The following USP27X variants were observed in gnomAD, a reference collection of about 807,000 sequenced individuals.
The protein encoded by USP27X is ubiquitin carboxyl-terminal hydrolase 27.
For synonymous variants in USP27X, 109 were observed against 141.5 expected (o/e 0.77, Z 1.63); for missense variants, 161 against 341.0 (o/e 0.47, Z 4.16).
rs1924393760 is a variant in USP27X, at chrX:49,881,671, T to C, written c.*47T>C. ...CAATGGAAGATGACGACACCAATAC[T>C]ACAACTGGCATCGAGATCTAAAGGA... On this transcript the variant is annotated 3_prime_UTR_variant, in exon 1 of 1. Transcript: ENST00000621775. 3 of 1,029,193 alleles carry C rather than the reference T, an allele frequency of 2.9e-6. No homozygotes were observed. Among genetic ancestry groups the C allele is most frequent in the Non-Finnish European group, 3.9e-6 (3 of 768,176 alleles). 84.8% of individuals were successfully genotyped at this position (1,029,193 alleles called of 1,213,427 possible).
rs1557162573 is a variant in USP27X at position 49,880,770 on chromosome X, C to T, written c.463C>T (p.Arg155Cys). Residue 155 changes from arginine to cysteine, a missense_variant, in exon 1 of 1, where the codon CGC becomes TGC. Coordinates refer to ENST00000621775, the MANE Select transcript of USP27X (RefSeq NM_001145073.3). ...ACTGCACCTGGTGTGGATACATGCC[C>T]GCCATTTAGCAGGGTACAGGCAACA... ...KLLHLVWIHA[R>C]HLAGYRQQDA... 3 of 1,169,703 alleles carry T rather than the reference C, an allele frequency of 2.6e-6. No homozygotes were observed. Among genetic ancestry groups the T allele is most frequent in the African/African-American group, 3.6e-5 (2 of 55,961 alleles).
In USP27X at chrX:49,881,495, T is replaced by C. The variant is rs1557162741; in HGVS notation, c.1188T>C (p.Asp396=). 8.3e-7 allele frequency: 1 copy of C among 1,209,160 alleles called. No homozygotes were observed. The highest frequency in any genetic ancestry group is 1.7e-5 in the African/African-American group (1 of 57,167). Residue 396 remains aspartate (D), a synonymous_variant, in exon 1 of 1, where the codon GAT becomes GAC. Transcript: ENST00000621775. ...RHHKDQWFKC[D]DAVITKASIK... is the part of the protein sequence containing the mutation. ...ACAAGGACCAGTGGTTCAAGTGTGA[T>C]GATGCCGTCATCACTAAGGCCAGTA...
rs916724991 is a variant in USP27X, at chrX:49,880,229, G to C, written c.-79G>C. ...GTGTCTTCTTTGGCTGCTTCACGGA[G>C]AAACACATTCACGAGCACGCAGAGA... On this transcript the variant is annotated 5_prime_UTR_variant, in exon 1 of 1. Coordinates refer to ENST00000621775, the MANE Select transcript of USP27X (RefSeq NM_001145073.3). 2.2e-5 allele frequency: 20 copies of C among 891,298 alleles called. No homozygotes were observed. The highest frequency in any genetic ancestry group is 3.7e-5 in the Admixed American group (1 of 26,868). 73.5% of individuals were successfully genotyped at this position (891,298 alleles called of 1,213,427 possible).
rs1557162728 is a variant in USP27X at position 49,881,431 on chromosome X, C to A, written c.1124C>A (p.Thr375Asn). Residue 375 changes from threonine to asparagine, a missense_variant, in exon 1 of 1, where the codon ACC (threonine) becomes AAC (asparagine). Thr to Asn is a moderately conservative substitution (Grantham distance 65, BLOSUM62 0). Transcript: ENST00000621775. ...SLFAVVNHQG[T>N]LESGHYTSFI... ...TTTGCTGTGGTTAATCACCAAGGAA[C>A]CTTGGAGAGTGGCCACTATACCAGC... 1 of 1,211,196 alleles carries A rather than the reference C, an allele frequency of 8.3e-7. No homozygotes were observed. Among genetic ancestry groups the A allele is most frequent in the Admixed American group, 2.2e-5 (1 of 45,990 alleles).
Position 49,881,655 on chromosome X carries a change from A to T in USP27X, c.*31A>T. 9.3e-7 allele frequency: 1 copy of T among 1,076,565 alleles called. No individual in the cohort carries two copies. The highest frequency in any genetic ancestry group is 2.2e-5 in the South Asian group (1 of 44,953). 88.7% of individuals were successfully genotyped at this position (1,076,565 alleles called of 1,213,427 possible). A position where few individuals can be genotyped will look rare whatever the true frequency, so the allele number is the denominator to read the frequency against. ...CACACAGACCTACCTGCAATGGAAGATGACGACACCAATACTACAACTGGC... is the reference window on the plus strand; with the variant it reads ...CACACAGACCTACCTGCAATGGAAGTTGACGACACCAATACTACAACTGGC... On this transcript the variant is annotated 3_prime_UTR_variant, in exon 1 of 1. Coordinates refer to ENST00000621775, the MANE Select transcript of USP27X (RefSeq NM_001145073.3).
Position 49,879,499 on chromosome X carries a change from TGGAGGCGGAGGAGGTAGAGGAGGC to T in USP27X, c.-804_-781del, listed in dbSNP as rs1281931523. On this transcript the variant is annotated 5_prime_UTR_variant, in exon 1 of 1. Transcript: ENST00000621775. The stretch of plus-strand genomic sequence containing the variant: ...GAGCAGGGGGAGGAGCCGCCGCCAG[TGGAGGCGGAGGAGGTAGAGGAGGC>T]GGAGACGGCGGAGAAGGCGGAGAGG... 9.3e-6 allele frequency among the ~76,000 whole-genome samples: 1 copy of T among 107,007 alleles called. No homozygotes were observed. The highest frequency in any genetic ancestry group is 3.4e-5 in the African/African-American group (1 of 29,126). The allele number at this position is 107,007 out of a possible 115,157, so 92.9% of individuals were successfully genotyped here.
Position 49,881,114 on chromosome X carries a change from G to T in USP27X, c.807G>T (p.Arg269Ser). Residue 269 changes from arginine (R) to serine (S), a missense_variant, in exon 1 of 1, where the codon AGG becomes AGT. By Grantham distance (110) the Arg-to-Ser change is moderately radical (BLOSUM62 -1). Transcript: ENST00000621775. ...CCACCCTCACGGACTGCTTGCGGAG[G>T]TTTACGAGGCCAGAGCACTTAGGAA... The part of the protein sequence containing the change: ...GITTLTDCLR[R>S]FTRPEHLGSS... The T allele has an allele frequency of 8.6e-7, 1 of 1,168,555 alleles. No individual in the cohort carries two copies. Among genetic ancestry groups the T allele is most frequent in the Non-Finnish European group, 1.1e-6 (1 of 873,414 alleles).
In USP27X at chrX:49,881,621, C is replaced by T. The variant is rs1172597886; in HGVS notation, c.1314C>T (p.Tyr438=). The T allele has an allele frequency of 9.6e-6, 11 of 1,146,847 alleles. No individual in the cohort carries two copies. Among genetic ancestry groups the T allele is most frequent in the Non-Finnish European group, 1.3e-5 (11 of 860,551 alleles). The allele number at this position is 1,146,847 out of a possible 1,213,427, so 94.5% of individuals were successfully genotyped here. ...TGAAAGAAATGAACACACAAGCCTA[C>T]TGAAGTGACACACAGACCTACCTGC... ...EKVKEMNTQA[Y] Residue 438 remains tyrosine, a synonymous_variant, in exon 1 of 1, where the codon TAC becomes TAT. Transcript: ENST00000621775.
chrX:49,880,227 G>T lies in USP27X; in HGVS notation c.-81G>T. The stretch of plus-strand genomic sequence containing the variant: ...CTGTGTCTTCTTTGGCTGCTTCACG[G>T]AGAAACACATTCACGAGCACGCAGA... On this transcript the variant is annotated 5_prime_UTR_variant, in exon 1 of 1. Coordinates refer to ENST00000621775, the MANE Select transcript of USP27X (RefSeq NM_001145073.3). 1 of 882,866 alleles carries T rather than the reference G, an allele frequency of 1.1e-6. No individual in the cohort carries two copies. The highest frequency in any genetic ancestry group is 2.7e-5 in the South Asian group (1 of 36,582). The allele number at this position is 882,866 out of a possible 1,213,427, so 72.8% of individuals were successfully genotyped here. A position where few individuals can be genotyped will look rare whatever the true frequency, so the allele number is the denominator to read the frequency against.
rs781997321 is a variant in USP27X, at chrX:49,881,875, A to G, written c.*251A>G. 5.1e-6 allele frequency: 1 copy of G among 197,002 alleles called. No individual in the cohort carries two copies. Among genetic ancestry groups the G allele is most frequent in the African/African-American group, 3.6e-5 (1 of 28,169 alleles). The allele number at this position is 197,002 out of a possible 1,213,427, so 16.2% of individuals were successfully genotyped here. On this transcript the variant is annotated 3_prime_UTR_variant, in exon 1 of 1. Transcript: ENST00000621775. ...TGGGTGAGGAAGGCAGGAGCAGGAA[A>G]ATGCTGACACTGGTACATATCCTAT...
In USP27X at chrX:49,880,236, A is replaced by AT; in HGVS notation, c.-70dup. ...CTTTGGCTGCTTCACGGAGAAACAC[A>AT]TTCACGAGCACGCAGAGACGAAACA... is the stretch of plus-strand genomic sequence containing the variant. On this transcript the variant is annotated 5_prime_UTR_variant, in exon 1 of 1. Transcript: ENST00000621775. The AT allele has an allele frequency of 1.1e-6, 1 of 932,500 alleles. No individual in the cohort carries two copies. The allele number at this position is 932,500 out of a possible 1,213,427, so 76.8% of individuals were successfully genotyped here. A position where few individuals can be genotyped will look rare whatever the true frequency, so the allele number is the denominator to read the frequency against.
chrX:49,880,653 C>A lies in USP27X; in HGVS notation c.346C>A (p.Pro116Thr). 8.6e-7 allele frequency: 1 copy of A among 1,168,267 alleles called. No individual in the cohort carries two copies. Residue 116 changes from proline to threonine, a missense_variant, in exon 1 of 1, where the codon CCG becomes ACG. Transcript: ENST00000621775. ...FLSDRHRCEM[P>T]SPELCLVCEM... is the part of the protein sequence containing the mutation. ...CTCTGACAGGCACCGATGTGAGATG[C>A]CGAGTCCCGAGTTGTGTCTGGTCTG...
At position 49,880,280 on chromosome X, in the gene USP27X, C is replaced by T. The variant is rs782773857; in HGVS notation, c.-28C>T. ...CGAAACAACACAACTTAGCAGTAGA[C>T]CTGTATTACGGAGGTATATACTGCT... On this transcript the variant is annotated 5_prime_UTR_variant, in exon 1 of 1. Coordinates refer to ENST00000621775, the MANE Select transcript of USP27X (RefSeq NM_001145073.3). 9.4e-7 allele frequency: 1 copy of T among 1,062,201 alleles called. No homozygotes were observed. Among genetic ancestry groups the T allele is most frequent in the Non-Finnish European group, 1.2e-6 (1 of 800,251 alleles). 87.5% of individuals were successfully genotyped at this position (1,062,201 alleles called of 1,213,427 possible).
Position 49,882,254 on chromosome X carries a change from C to T in USP27X, c.*630C>T, listed in dbSNP as rs943670988. The T allele has an allele frequency of 3.4e-5, 4 of 116,811 alleles. No homozygotes were observed. The highest frequency in any genetic ancestry group is 1.0e-4 in the Admixed American group (1 of 9,628). 9.6% of individuals were successfully genotyped at this position (116,811 alleles called of 1,213,427 possible). On this transcript the variant is annotated 3_prime_UTR_variant, in exon 1 of 1. Coordinates refer to ENST00000621775, the MANE Select transcript of USP27X (RefSeq NM_001145073.3). ...ATAAGGGGGCTTGTAAAAGGGGAGC[C>T]GTCGCTCCAAAAGTAGAGAAGACAA... is the stretch of plus-strand genomic sequence containing the variant.
rs1557163025 is a variant in USP27X, at chrX:49,882,423, T to C, written c.*799T>C. 8.2e-6 allele frequency: 1 copy of C among 122,534 alleles called. No individual in the cohort carries two copies. Among genetic ancestry groups the C allele is most frequent in the African/African-American group, 3.3e-5 (1 of 30,540 alleles). 10.1% of individuals were successfully genotyped at this position (122,534 alleles called of 1,213,427 possible). A position where few individuals can be genotyped will look rare whatever the true frequency, so the allele number is the denominator to read the frequency against. On this transcript the variant is annotated 3_prime_UTR_variant, in exon 1 of 1. Transcript: ENST00000621775. ...TCAATGAACCTCTTTGCGATTGTTT[T>C]ATCATCTGTAAAATGCAGATAATTC...
chrX:49,881,209 A>G lies in USP27X; in HGVS notation c.902A>G (p.Lys301Arg). 8.6e-7 allele frequency: 1 copy of G among 1,168,005 alleles called. No homozygotes were observed. The highest frequency in any genetic ancestry group is 1.1e-6 in the Non-Finnish European group (1 of 873,202). The change falls in exon 1 of 1, where the codon AAA becomes AGA. Residue 301 changes from lysine (K) to arginine (R), a missense_variant. Coordinates refer to ENST00000621775, the MANE Select transcript of USP27X (RefSeq NM_001145073.3). Reference protein sequence around the residue: ...QESTKQLTMNKLPVVACFHFK... With the variant: ...QESTKQLTMNRLPVVACFHFK... ...TCTACCAAACAGCTCACAATGAATA[A>G]ATTACCTGTCGTTGCCTGTTTTCAT...
Position 49,880,913 on chromosome X carries a change from C to G in USP27X, c.606C>G (p.Ile202Met), listed in dbSNP as rs781828598. ...ACTGTAACTGCATCATAGACCAAAT[C>G]TTCACAGGTGGCCTGCAGTCTGATG... The part of the protein sequence containing the change: ...PNHCNCIIDQ[I>M]FTGGLQSDVT... The change falls in exon 1 of 1, where the codon ATC becomes ATG. Residue 202 changes from isoleucine (I) to methionine (M), a missense_variant. By Grantham distance (10) the Ile-to-Met change is conservative. Transcript: ENST00000621775. 2.6e-5 allele frequency: 32 copies of G among 1,208,914 alleles called. No homozygotes were observed. The highest frequency in any genetic ancestry group is 3.6e-5 in the Non-Finnish European group (32 of 894,624).
rs1223780329 is a variant in USP27X, at chrX:49,879,722, C to G, written c.-586C>G. On this transcript the variant is annotated 5_prime_UTR_variant, in exon 1 of 1. Coordinates refer to ENST00000621775, the MANE Select transcript of USP27X (RefSeq NM_001145073.3). ...GCCGGGCTGAGCTCAAGCTGGAGCC[C>G]GAACCCGAGCCGGTCCGGGAGGCGG... Among the ~76,000 whole-genome samples, 4 of 110,727 alleles carry G rather than the reference C, an allele frequency of 3.6e-5. No homozygotes were observed. Among genetic ancestry groups the G allele is most frequent in the Non-Finnish European group, 7.6e-5 (4 of 52,405 alleles).
Position 49,880,187 on chromosome X carries a change from C to T in USP27X, c.-121C>T, listed in dbSNP as rs1391630005. 1.2e-5 allele frequency: 7 copies of T among 592,556 alleles called. No individual in the cohort carries two copies. The highest frequency in any genetic ancestry group is 1.8e-5 in the Non-Finnish European group (7 of 380,955). 48.8% of individuals were successfully genotyped at this position (592,556 alleles called of 1,213,427 possible). On this transcript the variant is annotated 5_prime_UTR_variant, in exon 1 of 1. Transcript: ENST00000621775. The stretch of plus-strand genomic sequence containing the variant: ...TGTGTGGCACCCATCTGAACAGACT[C>T]CACTCTTGCCTTTCCTGTGTCTTCT...
Sources: allele counts gnomAD v4.1 joint callset (sites outside exome capture counted in the v4.1 genomes callset), GRCh38; gene constraint gnomAD v4.1.1; transcripts MANE v1.5; gene names NCBI Gene and HGNC (gene_info 2026-07-23, HGNC 2026-07-21).